The following SYN3 variants were observed in gnomAD, a reference collection of about 807,000 sequenced individuals.
SYN3 encodes the protein synapsin-3.
A neutral mutation model predicts 65.8 loss-of-function variants in SYN3; 35 were observed. The observed-to-expected ratio is 0.53, with a 90% CI of 0.41 to 0.70. SYN3 has a LOEUF of 0.70. Ranked by LOEUF, SYN3 falls within the 30% of genes least tolerant of loss-of-function variation. The pLI, the probability that SYN3 is intolerant of heterozygous loss-of-function variation, is 0.00. For missense variants in SYN3, 680 were observed against 749.0 expected (o/e 0.91, Z 1.08); for synonymous variants, 270 against 292.9 (o/e 0.92, Z 0.80).
intron 6 of SYN3, among the ~76,000 whole-genome samples, chr22:32,598,701 A>C (rs2059238389): frequency 6.6e-6 from 1 of 151,894 alleles, no homozygotes; most frequent in South Asian, 2.1e-4. Flanking sequence ...GGTCAGGCTG[A>C]TTTTGAACTC....
At chr22:32,983,506 A>G (rs1222842380) in intron 2 of SYN3, among the ~76,000 whole-genome samples, 1 of 152,192 alleles carries the variant, frequency 6.6e-6, no homozygotes, top group Non-Finnish European at 1.5e-5. Context: ...ACTGACTGAC[A>G]GCTCTGATAT....
chr22:32,916,222 G>T (rs1235001781), intron 4 of SYN3, among the ~76,000 whole-genome samples: 1 of 152,218 alleles, frequency 6.6e-6, no homozygotes, highest in Non-Finnish European at 1.5e-5. Flanking sequence ...GCAGTCAAGT[G>T]AGTCATCCCA....
intron 3 of SYN3, among the ~76,000 whole-genome samples, chr22:32,939,375 A>AAT (rs2146745789): frequency 6.6e-6 from 1 of 152,200 alleles, no homozygotes; most frequent in South Asian, 2.1e-4. Context: ...TTGAAAAGGA[A>AAT]ATATAGATAA....
intron 6 of SYN3, among the ~76,000 whole-genome samples, chr22:32,762,219 T>G (rs1409806151): frequency 6.6e-6 from 1 of 152,088 alleles, no homozygotes; most frequent in Non-Finnish European, 1.5e-5. Context: ...AGCAGTGGGC[T>G]GGGACTGGCA....
At chr22:32,810,554 G>C (rs1358244350) in intron 6 of SYN3, among the ~76,000 whole-genome samples, 1 of 151,908 alleles carries the variant, frequency 6.6e-6, no homozygotes, top group Non-Finnish European at 1.5e-5. Context: ...GTGGAGAGGG[G>C]AAGTCCTGAG....
chr22:32,564,123 C>T (rs1238036796), intron 7 of SYN3, among the ~76,000 whole-genome samples: 13 of 152,160 alleles, frequency 8.5e-5, no homozygotes, highest in Non-Finnish European at 2.9e-5. Flanking sequence ...ACCTAAGACA[C>T]CAAGATCAGG....
chr22:32,805,038 T>C (rs1249999259), intron 6 of SYN3, among the ~76,000 whole-genome samples: 1 of 152,092 alleles, frequency 6.6e-6, no homozygotes. Flanking sequence ...TGTGTGTGTG[T>C]GTGCGCGTGT....
chr22:33,004,797 G>C (rs1185241158), intron 2 of SYN3, among the ~76,000 whole-genome samples: 1 of 152,194 alleles, frequency 6.6e-6, no homozygotes, highest in Admixed American at 6.5e-5. Flanking sequence ...CTGTTGGGAA[G>C]GCATGATTGT....
At chr22:32,617,678 G>A (rs1892908414) in intron 6 of SYN3, among the ~76,000 whole-genome samples, 6 of 152,052 alleles carry the variant, frequency 3.9e-5, no homozygotes, top group African/African-American at 1.4e-4. Flanking sequence ...ATAGTGGGAA[G>A]CCCAGTAAAG....
chr22:32,621,136 C>T (rs1197266892), intron 6 of SYN3, among the ~76,000 whole-genome samples: 1 of 152,138 alleles, frequency 6.6e-6, no homozygotes, highest in Non-Finnish European at 1.5e-5. Flanking sequence ...TACACCAGAT[C>T]CCTCCATGCT....
At chr22:32,549,603 A>G (rs2058382320) in intron 7 of SYN3, among the ~76,000 whole-genome samples, 1 of 152,222 alleles carries the variant, frequency 6.6e-6, no homozygotes, top group African/African-American at 2.4e-5. Flanking sequence ...CACATATTTG[A>G]TTAAAAAAAT....
At chr22:32,517,578 G>A (rs1472849459) in intron 13 of SYN3, among the ~76,000 whole-genome samples, 1 of 152,134 alleles carries the variant, frequency 6.6e-6, no homozygotes, top group African/African-American at 2.4e-5. Context: ...TCCATGCAAT[G>A]TTTGGGGCAT....
At chr22:32,930,347 G>C (rs1389825333) in intron 4 of SYN3, among the ~76,000 whole-genome samples, 3 of 152,136 alleles carry the variant, frequency 2.0e-5, no homozygotes, top group Non-Finnish European at 4.4e-5. Flanking sequence ...TCTCTTGTCT[G>C]CCATCAGGTA....
intron 3 of SYN3, among the ~76,000 whole-genome samples, chr22:32,953,236 CCATTTATT>C (rs1385123093): frequency 1.3e-5 from 2 of 152,168 alleles, no homozygotes; most frequent in African/African-American, 4.8e-5. Context: ...CTGTTTGCAT[CCATTTATT>C]CATTTATTCA....
chr22:32,813,663 A>ATT lies in SYN3; in HGVS notation c.711+51250_711+51251dup, dbSNP rs130278. ...CGGATCTCTGAGTGAGTAACACCCA[A>ATT]TTTTTTTTTTTTTGGCAAAATGTGT... On this transcript the variant is annotated intron_variant, in intron 6 of 13. Transcript: ENST00000358763. Among the ~76,000 whole-genome samples the ATT allele has an allele frequency of 6.1e-3, 891 of 146,864 alleles. 9 individuals carry two copies. The highest frequency in any genetic ancestry group is 0.018 in the African/African-American group (726 of 40,084).
intron 7 of SYN3, among the ~76,000 whole-genome samples, chr22:32,578,254 C>CTCT (rs1569057605): frequency 0.013 from 1,825 of 138,324 alleles, 39 homozygotes; most frequent in African/African-American, 0.044. Flanking sequence ...TCTCTCTCTC[C>CTCT]CTCTCTCTTT....
chr22:32,841,594 G>GC (rs1022561475), intron 6 of SYN3, among the ~76,000 whole-genome samples: 3 of 152,032 alleles, frequency 2.0e-5, no homozygotes, highest in African/African-American at 7.2e-5. Flanking sequence ...TATTAGGCTT[G>GC]CAGGTATAAA....
chr22:33,002,972 A>G (rs1345248621), intron 2 of SYN3, among the ~76,000 whole-genome samples: 3 of 152,158 alleles, frequency 2.0e-5, no homozygotes, highest in Non-Finnish European at 1.5e-5. Flanking sequence ...CTCTTGTGGT[A>G]GCGAGTTCTC....
intron 6 of SYN3, among the ~76,000 whole-genome samples, chr22:32,842,861 G>T (rs373503183): frequency 1.2e-4 from 19 of 152,288 alleles, no homozygotes; most frequent in East Asian, 9.6e-4. Context: ...ATGTGTTTGT[G>T]TGTCTGTGTA....
Sources: gnomAD v4.1 joint callset for allele counts (sites outside exome capture counted in the v4.1 genomes callset) on GRCh38, gnomAD v4.1.1 for gene constraint, MANE v1.5 for transcripts, NCBI Gene and HGNC (gene_info 2026-07-23, HGNC 2026-07-21) for gene names.